Variants in SHMT1 observed in about 807,000 individuals in gnomAD.
SHMT1 encodes serine hydroxymethyltransferase 1.
In SHMT1, 45 loss-of-function variants were observed where a neutral mutation model predicts 49.0. The ratio of observed to expected loss-of-function variants is 0.92; its 90% CI spans 0.72 to 1.18. SHMT1 has a LOEUF of 1.18. Ranked by LOEUF, SHMT1 falls within the 50% of genes most tolerant of loss-of-function variation. The probability of loss-of-function intolerance (pLI) is 0.00; values close to 1 mark genes in which losing one functional copy is unlikely to be tolerated. For synonymous variants in SHMT1, 232 were observed against 246.6 expected (o/e 0.94, Z 0.55); for missense variants, 541 against 612.4 (o/e 0.88, Z 1.23).
intron 9 of SHMT1, 114 bp from the exon 10 acceptor site, chr17:18,330,785 A>G (rs560348198): frequency 1.5e-5 from 11 of 747,960 alleles, no homozygotes; most frequent in African/African-American, 5.1e-5. Context: ...CAGGAAGGTG[A>G]GCACCCCCAC....
At chr17:18,349,231 C>G (rs1290466160) in intron 3 of SHMT1, among the ~76,000 whole-genome samples, 1 of 151,994 alleles carries the variant, frequency 6.6e-6, no homozygotes, top group African/African-American at 2.4e-5. Context: ...ACCAGCCTGG[C>G]CAATATGGTG....
intron 11 of SHMT1, 124 bp from the exon 12 acceptor site, chr17:18,329,043 C>T: frequency 8.1e-7 from 1 of 1,234,898 alleles, no homozygotes; most frequent in Admixed American, 1.9e-5. Flanking sequence ...CACAAGGTCT[C>T]CATGCTTACC....
rs923355485 is a variant in SHMT1 at position 18,347,452 on chromosome 17, G to A, written c.519+44C>T. 3 of 1,606,732 alleles carry A rather than the reference G, an allele frequency of 1.9e-6. No homozygotes were observed. The African/African-American group carries it at 4.0e-5, about 21-fold the overall frequency. On this transcript the variant is annotated intron_variant, in intron 5 of 11. Transcript: ENST00000316694. The stretch of plus-strand genomic sequence containing the variant: ...CCTGCAGGCACAGCCAAGCATCAGA[G>A]GTTTCCCAAGGAAATAAAAGCTAGG...
Position 18,355,976 on chromosome 17 carries a change from C to T in SHMT1, c.6G>A (p.Thr2=), listed in dbSNP as rs772607654. Residue 2 remains threonine, a synonymous_variant, in exon 2 of 12, where the codon ACG becomes ACA. Transcript: ENST00000316694. ...CCTTGTGGGCCCCGTTGACTGGCAT[C>T]GTCATTGCACTGGTTCGAAGCTGCC... M[T]MPVNGAHKDA... 6.2e-6 allele frequency: 10 copies of T among 1,610,680 alleles called. No individual in the cohort carries two copies. Among genetic ancestry groups the T allele is most frequent in the Non-Finnish European group, 7.6e-6 (9 of 1,177,114 alleles).
intron 11 of SHMT1, 85 bp downstream of exon 11, chr17:18,329,193 C>G: frequency 9.7e-7 from 1 of 1,036,256 alleles, no homozygotes; most frequent in Non-Finnish European, 1.5e-6. Flanking sequence ...AATTGTCTTT[C>G]AGTGGCAGGG....
chr17:18,334,884 C>T (rs1983625018), intron 8 of SHMT1, among the ~76,000 whole-genome samples: 1 of 152,184 alleles, frequency 6.6e-6, no homozygotes, highest in Non-Finnish European at 1.5e-5. Flanking sequence ...CAGCTCCTTC[C>T]ACCCCTTATG....
intron 1 of SHMT1, among the ~76,000 whole-genome samples, chr17:18,362,602 G>A (rs995103583): frequency 4.6e-5 from 7 of 152,138 alleles, no homozygotes; most frequent in Admixed American, 2.0e-4. Flanking sequence ...GGGATTACAG[G>A]CATGAGCCAC....
At chr17:18,356,585 G>A (rs1411907430) in intron 1 of SHMT1, among the ~76,000 whole-genome samples, 2 of 151,836 alleles carry the variant, frequency 1.3e-5, no homozygotes, top group African/African-American at 2.4e-5. Context: ...CGCCTGCCTC[G>A]GCCTCCCAAA....
intron 5 of SHMT1, among the ~76,000 whole-genome samples, chr17:18,343,882 T>G (rs1293191785): frequency 5.6e-5 from 8 of 143,856 alleles, no homozygotes; most frequent in Non-Finnish European, 1.0e-4. Context: ...ACAGAGCCAC[T>G]GCACTCCAGC....
At chr17:18,362,132 A>G (rs911913501) in intron 1 of SHMT1, among the ~76,000 whole-genome samples, 1 of 152,186 alleles carries the variant, frequency 6.6e-6, no homozygotes, top group Non-Finnish European at 1.5e-5. Flanking sequence ...CAGAAGAGGA[A>G]ATTGAGGCCC....
At chr17:18,350,976 A>G (rs1275921646) in intron 3 of SHMT1, among the ~76,000 whole-genome samples, 1 of 151,804 alleles carries the variant, frequency 6.6e-6, no homozygotes, top group Non-Finnish European at 1.5e-5. Flanking sequence ...CAGGTGATCC[A>G]CCTGCCTCAG....
intron 7 of SHMT1, among the ~76,000 whole-genome samples, chr17:18,339,502 TGCACAAAAGTGAAGCA>T (rs1262308330): frequency 6.6e-6 from 1 of 152,026 alleles, no homozygotes; most frequent in African/African-American, 2.4e-5. Flanking sequence ...AGGACCTGGA[TGCACAAAAGTGAAGCA>T]GGAGCTGTGG....
chr17:18,358,302 C>T (rs914944654), intron 1 of SHMT1, among the ~76,000 whole-genome samples: 4 of 150,882 alleles, frequency 2.7e-5, no homozygotes, highest in African/African-American at 4.9e-5. Flanking sequence ...CCATCCTGGC[C>T]TACACGGTGA....
chr17:18,355,740 T>C, intron 2 of SHMT1, 146 bp downstream of exon 2: 1 of 680,500 alleles, frequency 1.5e-6, no homozygotes, highest in Non-Finnish European at 2.7e-6. Context: ...CTCAAAGGAT[T>C]TGTAGCCATT....
At chr17:18,335,766 A>G (rs1382995292) in intron 7 of SHMT1, 91 bp from the exon 8 acceptor site, 2 of 927,762 alleles carry the variant, frequency 2.2e-6, no homozygotes, top group African/African-American at 1.6e-5. Context: ...GGGAAGAATC[A>G]AGCACAAGCC....
At chr17:18,355,803 C>T in intron 2 of SHMT1, 83 bp downstream of exon 2, 1 of 854,454 alleles carries the variant, frequency 1.2e-6, no homozygotes, top group Non-Finnish European at 2.0e-6. Flanking sequence ...TCAAGGCTGT[C>T]CCTAATTAAT....
chr17:18,352,126 TGA>T (rs1985773538), intron 3 of SHMT1, among the ~76,000 whole-genome samples: 1 of 148,936 alleles, frequency 6.7e-6, no homozygotes, highest in Non-Finnish European at 1.5e-5. Flanking sequence ...ATTACAGGGG[TGA>T]GCCACTACAC....
Position 18,340,620 on chromosome 17 carries a change from C to T in SHMT1, c.601+112G>A. On this transcript the variant is annotated intron_variant, in intron 6 of 11. Transcript: ENST00000316694. The surrounding 1 kb of genome is among the most constrained non-coding windows in gnomAD (Gnocchi z 4.5). ...TGTAGACCCCAGAAACTCAGTTATCCAGGGCAGAAACTAGCAGTGGGCTCA... is the reference window on the plus strand; with the variant it reads ...TGTAGACCCCAGAAACTCAGTTATCTAGGGCAGAAACTAGCAGTGGGCTCA... 1 of 934,186 alleles carries T rather than the reference C, an allele frequency of 1.1e-6. No individual in the cohort carries two copies. Among genetic ancestry groups the T allele is most frequent in the South Asian group, 1.4e-5 (1 of 71,666 alleles). 57.9% of individuals were successfully genotyped at this position (934,186 alleles called of 1,614,324 possible).
chr17:18,329,326 C>T lies in SHMT1; in HGVS notation c.1234G>A (p.Gly412Arg). The T allele has an allele frequency of 6.2e-7, 1 of 1,613,090 alleles. No homozygotes were observed. Among genetic ancestry groups the T allele is most frequent in the Non-Finnish European group, 8.5e-7 (1 of 1,180,004 alleles). ...TTTTGGAAGTCTTTTTCCAAAAGTC[C>T]ACGGGACGTCAGTGCTGGGGTCCCC... ...RLGTPALTSR[G>R]LLEKDFQKVA... Residue 412 changes from glycine (G) to arginine (R), a missense_variant, in exon 11 of 12, where the codon GGA (glycine) becomes AGA (arginine). Coordinates refer to ENST00000316694, the MANE Select transcript of SHMT1 (RefSeq NM_004169.5).
Sources: allele counts gnomAD v4.1 joint callset (sites outside exome capture counted in the v4.1 genomes callset), GRCh38; gene constraint gnomAD v4.1.1; non-coding constraint Gnocchi (gnomAD v3.1); transcripts MANE v1.5; gene names NCBI Gene and HGNC (gene_info 2026-07-23, HGNC 2026-07-21).